CST1: variants seen among roughly 807,000 people sequenced by gnomAD.
CST1 encodes cystatin SN.
Under a neutral mutation model 10.7 loss-of-function variants are expected in CST1, and 19 were observed. The observed-to-expected ratio is 1.78, with a 90% CI of 1.24 to 2.61. The LOEUF (loss-of-function observed/expected upper bound fraction) is 2.61. Ranked by LOEUF, CST1 falls within the 30% of genes most tolerant of loss-of-function variation. CST1 has a pLI of 0.00. For missense variants in CST1, 247 were observed against 178.1 expected, an observed-to-expected ratio of 1.39 and a Z score of -2.20; for synonymous variants, 95 against 72.8, an observed-to-expected ratio of 1.31 and a Z score of -1.55.
rs201505177 is a variant in CST1 at position 23,749,099 on chromosome 20, C to T, written c.259G>A (p.Val87Ile). Residue 87 changes from valine (V) to isoleucine (I), a missense_variant, in exon 2 of 3, where the codon GTA becomes ATA. Transcript: ENST00000304749. ...GTACATATGGTGCGGCCCACCTCTACGTCGAAGAAGTAATTCACCCCCCCA... is the reference window on the plus strand; with the variant it reads ...GTACATATGGTGCGGCCCACCTCTATGTCGAAGAAGTAATTCACCCCCCCA... ...TVGGVNYFFDVEVGRTICTKS... is the reference protein window; with the variant it reads ...TVGGVNYFFDIEVGRTICTKS... The T allele has an allele frequency of 5.5e-5, 89 of 1,614,106 alleles. No individual in the cohort carries two copies. Among genetic ancestry groups the T allele is most frequent in the Admixed American group, 1.0e-4 (6 of 60,016 alleles).
At chr20:23,750,560 A>G in intron 1 of CST1, 79 bp downstream of exon 1, 1 of 1,284,954 alleles carries the variant, frequency 7.8e-7, no homozygotes, top group Non-Finnish European at 1.1e-6. Flanking sequence ...ATCAGTGTTG[A>G]TTTGCTGGGA....
At position 23,747,780 on chromosome 20, in the gene CST1, G is replaced by C. The variant is rs1356933452; in HGVS notation, c.*36C>G. The C allele has an allele frequency of 1.9e-6, 3 of 1,597,736 alleles. No homozygotes were observed. The South Asian group carries it at 3.3e-5, about 18-fold the overall frequency. ...TGGGAGCACTACAGGGGGTGGGAGT[G>C]GGTGGTGGCTGGTGCGAATGGCCTG... On this transcript the variant is annotated 3_prime_UTR_variant, in exon 3 of 3. Coordinates refer to ENST00000304749, the MANE Select transcript of CST1 (RefSeq NM_001898.3).
intron 1 of CST1, 43 bp downstream of exon 1, chr20:23,750,596 C>T (rs1471025145): frequency 6.3e-7 from 1 of 1,586,974 alleles, no homozygotes; most frequent in Non-Finnish European, 8.6e-7. Flanking sequence ...GGGGAACAAA[C>T]CAGGCTGGGA....
intron 2 of CST1, among the ~76,000 whole-genome samples, chr20:23,748,139 C>T (rs1487395428): frequency 6.6e-6 from 1 of 152,138 alleles, no homozygotes; most frequent in East Asian, 1.9e-4. Flanking sequence ...GTGTCCTGTC[C>T]CAGCACAGCC....
At chr20:23,749,699 C>T (rs4260306) in intron 1 of CST1, among the ~76,000 whole-genome samples, 50,034 of 151,552 alleles carry the variant, frequency 0.33, 8,918 homozygotes, top group African/African-American at 0.47. Flanking sequence ...GAGGGACTCT[C>T]TGGAACCAGG....
rs760570692 is a variant in CST1 at position 23,750,815 on chromosome 20, C to T, written c.52G>A (p.Ala18Thr). 2.5e-6 allele frequency: 4 copies of T among 1,613,914 alleles called. No homozygotes were observed. The highest frequency in any genetic ancestry group is 3.3e-5 in the Admixed American group (2 of 59,980). ...LLLLLATLAVALAWSPKEEDR... is the reference protein window; with the variant it reads ...LLLLLATLAVTLAWSPKEEDR... Reference sequence around the variant, plus strand: ...TCCTCCTTGGGGCTCCAGGCCAGGGCCACAGCTAGGGTGGCCAGCAGGAGC... The same window carrying T: ...TCCTCCTTGGGGCTCCAGGCCAGGGTCACAGCTAGGGTGGCCAGCAGGAGC... Residue 18 changes from alanine to threonine, a missense_variant, in exon 1 of 3, where the codon GCC becomes ACC. Physicochemically the swap from Ala to Thr is moderately conservative, Grantham distance 58. Coordinates refer to ENST00000304749, the MANE Select transcript of CST1 (RefSeq NM_001898.3).
chr20:23,750,832 A>G lies in CST1; in HGVS notation c.35T>C (p.Leu12Pro), dbSNP rs1982820564. Residue 12 changes from leucine (L) to proline (P), a missense_variant, in exon 1 of 3, where the codon CTG becomes CCG. Leu to Pro is a moderately conservative substitution (Grantham distance 98). Transcript: ENST00000304749. ...AQYLSTLLLLLATLAVALAWS... is the reference protein window; with the variant it reads ...AQYLSTLLLLPATLAVALAWS... The stretch of plus-strand genomic sequence containing the variant: ...GGCCAGGGCCACAGCTAGGGTGGCC[A>G]GCAGGAGCAGCAGGGTACTCAGATA... 6.2e-7 allele frequency: 1 copy of G among 1,613,558 alleles called. No homozygotes were observed. The highest frequency in any genetic ancestry group is 2.2e-5 in the East Asian group (1 of 44,854).
intron 2 of CST1, among the ~76,000 whole-genome samples, chr20:23,748,463 TCAC>T (rs1568747158): frequency 1.3e-5 from 2 of 152,066 alleles, no homozygotes; most frequent in South Asian, 2.1e-4. Flanking sequence ...ACTAATCTGA[TCAC>T]TGTGGCTGTG....
chr20:23,747,960 A>G (rs1331223097), intron 2 of CST1, 61 bp from the exon 3 acceptor site: 30 of 1,517,596 alleles, frequency 2.0e-5, no homozygotes, highest in Middle Eastern at 1.7e-4. Context: ...GAAGATGCCC[A>G]GGCATGAGAT....
In CST1 at chr20:23,747,983, G is replaced by A. The variant is rs922192933; in HGVS notation, c.343-84C>T. ...CCAGGCATGAGATGTCAGAGCCTGG[G>A]TGAGGAGGATGGAGGTGAGACACTG... On this transcript the variant is annotated intron_variant, in intron 2 of 2. Coordinates refer to ENST00000304749, the MANE Select transcript of CST1 (RefSeq NM_001898.3). 4 of 1,378,522 alleles carry A rather than the reference G, an allele frequency of 2.9e-6. No individual in the cohort carries two copies. In the Admixed American group the frequency reaches 5.3e-5, roughly 18 times the overall value. 85.4% of individuals were successfully genotyped at this position (1,378,522 alleles called of 1,614,324 possible).
intron 1 of CST1, among the ~76,000 whole-genome samples, chr20:23,750,050 C>T (rs1461679579): frequency 2.0e-5 from 3 of 151,922 alleles, no homozygotes; most frequent in Admixed American, 6.6e-5. Flanking sequence ...CCCGACCTGA[C>T]CCCTCCTCTG....
intron 1 of CST1, 44 bp from the exon 2 acceptor site, chr20:23,749,173 C>T (rs778730371): frequency 1.5e-5 from 24 of 1,582,318 alleles, no homozygotes; most frequent in Non-Finnish European, 2.0e-5. Context: ...TCAGTTCATG[C>T]ACTCACAGGC....
intron 2 of CST1, 107 bp from the exon 3 acceptor site, chr20:23,748,006 C>T: frequency 1.8e-6 from 2 of 1,102,634 alleles, no homozygotes; most frequent in Non-Finnish European, 2.7e-6. Context: ...AGGTGAGACA[C>T]TGGGCCCTCA....
chr20:23,748,602 G>A lies in CST1; in HGVS notation c.342+414C>T, dbSNP rs181452131. ...CAAAGCAGGCAGAATTGACCTTATA[G>A]TAACCATTCCCAACCTAAAGCCTTC... On this transcript the variant is annotated intron_variant, in intron 2 of 2. Transcript: ENST00000304749. Among the ~76,000 whole-genome samples the A allele has an allele frequency of 1.4e-4, 22 of 152,190 alleles. No homozygotes were observed. The East Asian group carries it at 4.1e-3, about 28-fold the overall frequency.
chr20:23,748,065 G>C (rs1002872823), intron 2 of CST1, among the ~76,000 whole-genome samples, 166 bp from the exon 3 acceptor site: 1 of 152,240 alleles, frequency 6.6e-6, no homozygotes, highest in African/African-American at 2.4e-5. Context: ...AATAGTGACT[G>C]TTCCATTGCC....
intron 1 of CST1, among the ~76,000 whole-genome samples, chr20:23,750,091 C>G (rs901457936): frequency 1.3e-5 from 2 of 152,104 alleles, no homozygotes; most frequent in Middle Eastern, 6.8e-3. Flanking sequence ...CCTCATCTGG[C>G]TGAGGTCTAA....
chr20:23,750,340 G>A (rs1013083873), intron 1 of CST1, among the ~76,000 whole-genome samples: 1 of 152,156 alleles, frequency 6.6e-6, no homozygotes, highest in Non-Finnish European at 1.5e-5. Flanking sequence ...ATCTCATCCT[G>A]AGCAGCATCA....
chr20:23,747,871 T>C lies in CST1; in HGVS notation c.371A>G (p.Glu124Gly). 6.2e-7 allele frequency: 1 copy of C among 1,613,840 alleles called. No individual in the cohort carries two copies. Among genetic ancestry groups the C allele is most frequent in the Non-Finnish European group, 8.5e-7 (1 of 1,179,852 alleles). Residue 124 changes from glutamate (E) to glycine (G), a missense_variant, in exon 3 of 3, where the codon GAA becomes GGA. Transcript: ENST00000304749. Reference protein sequence around the residue: ...KKQLCSFEIYEVPWENRRSLV... With the variant: ...KKQLCSFEIYGVPWENRRSLV... Reference sequence around the variant, plus strand: ...GGACCTTCTGTTCTCCCAGGGAACTTCGTAGATCTCGAAAGAGCACAACTG... The same window carrying C: ...GGACCTTCTGTTCTCCCAGGGAACTCCGTAGATCTCGAAAGAGCACAACTG...
At chr20:23,748,317 T>C (rs556734979) in intron 2 of CST1, among the ~76,000 whole-genome samples, 1 of 152,054 alleles carries the variant, frequency 6.6e-6, no homozygotes, top group Non-Finnish European at 1.5e-5. Context: ...AGCTGGGGCA[T>C]GGGGCAAGGG....
Sources: gnomAD v4.1 joint callset for allele counts (sites outside exome capture counted in the v4.1 genomes callset) on GRCh38, gnomAD v4.1.1 for gene constraint, MANE v1.5 for transcripts, NCBI Gene and HGNC (gene_info 2026-07-23, HGNC 2026-07-21) for gene names.